The following ZFP69 variants were observed in gnomAD, a reference collection of about 807,000 sequenced individuals.
ZFP69 encodes ZFP69 zinc finger protein.
ZFP69 carries 35 observed loss-of-function variants against 48.9 expected under a neutral mutation model. The observed-to-expected ratio is 0.72, with a 90% confidence interval of 0.55 to 0.95. The LOEUF (loss-of-function observed/expected upper bound fraction) is 0.95. Among genes scored for constraint, ZFP69 ranks in the 40% least tolerant of loss-of-function variants. ZFP69 has a pLI of 0.00. For synonymous variants in ZFP69, 193 were observed against 216.8 expected, an observed-to-expected ratio of 0.89 and a Z score of 0.96; for missense variants, 557 against 638.4, an observed-to-expected ratio of 0.87 and a Z score of 1.37.
At chr1:40,494,619 T>G (rs1645607889) in intron 5 of ZFP69, among the ~76,000 whole-genome samples, 1 of 147,016 alleles carries the variant, frequency 6.8e-6, no homozygotes, top group African/African-American at 2.5e-5. Flanking sequence ...AAATATTTTA[T>G]ATATAAAATA....
In ZFP69 at chr1:40,489,135, GT is replaced by G. The variant is rs1311061885; in HGVS notation, c.268del (p.Trp90GlyfsTer15). 1 of 1,614,066 alleles carries G rather than the reference GT, an allele frequency of 6.2e-7. No homozygotes were observed. The highest frequency in any genetic ancestry group is 1.7e-5 in the Admixed American group (1 of 60,018). Reference sequence around the variant, plus strand: ...TATCTATTGACTTCACCCAGGAAGAGTGGGGGCAGCTGGCTCCTGCTCACCA... The same window carrying G: ...TATCTATTGACTTCACCCAGGAAGAGGGGGGCAGCTGGCTCCTGCTCACCA... ...DISIDFTQEE[W>X]GQLAPAHQNL... On this transcript the variant is annotated frameshift_variant, in exon 4 of 6. Transcript: ENST00000372706. LOFTEE classifies it high-confidence loss of function.
chr1:40,495,890 G>T lies in ZFP69; in HGVS notation c.1412G>T (p.Arg471Leu). 5 of 1,614,134 alleles carry T rather than the reference G, an allele frequency of 3.1e-6. No individual in the cohort carries two copies. The highest frequency in any genetic ancestry group is 4.2e-6 in the Non-Finnish European group (5 of 1,180,034). The change falls in exon 6 of 6, where the codon CGC (arginine) becomes CTC (leucine). Residue 471 changes from arginine to leucine, a missense_variant. Coordinates refer to ENST00000372706, the MANE Select transcript of ZFP69 (RefSeq NM_001320179.2). Reference sequence around the variant, plus strand: ...GGAGTGAAAGCATATGAATGCAACCGCTGTGGAAAAGCCTATAGGCATGAT... The same window carrying T: ...GGAGTGAAAGCATATGAATGCAACCTCTGTGGAAAAGCCTATAGGCATGAT... ...HTGVKAYECN[R>L]CGKAYRHDSS...
At chr1:40,494,445 T>C (rs1378478641) in intron 5 of ZFP69, among the ~76,000 whole-genome samples, 1 of 145,780 alleles carries the variant, frequency 6.9e-6, no homozygotes, top group East Asian at 2.0e-4. Flanking sequence ...ATTTTTTGTA[T>C]TTTTAGTAGA....
At chr1:40,480,211 A>C (rs113613461) in intron 2 of ZFP69, among the ~76,000 whole-genome samples, 2,973 of 152,218 alleles carry the variant, frequency 0.02, 92 homozygotes, top group African/African-American at 0.068. Context: ...AATAGAAAGC[A>C]GCCTAAGAAA....
At chr1:40,483,679 T>C (rs973737566) in intron 3 of ZFP69, among the ~76,000 whole-genome samples, 3 of 152,244 alleles carry the variant, frequency 2.0e-5, no homozygotes, top group Admixed American at 6.5e-5. Context: ...CAGACTATTA[T>C]CGTTACTTCT....
chr1:40,483,343 C>T (rs551699283), intron 3 of ZFP69, among the ~76,000 whole-genome samples: 1 of 150,220 alleles, frequency 6.7e-6, no homozygotes, highest in South Asian at 2.1e-4. Context: ...AGTTCTCCTG[C>T]CTAAGCCTCC....
Position 40,489,225 on chromosome 1 carries a change from G to A in ZFP69, c.346+11G>A. ...ACTTGGTGTCAGTGGGTAAGACTTG[G>A]CTATCCATGCATCCAGAAACCCACC... On this transcript the variant is annotated intron_variant, in intron 4 of 5. Transcript: ENST00000372706. The A allele has an allele frequency of 6.2e-7, 1 of 1,613,198 alleles. No homozygotes were observed. The highest frequency in any genetic ancestry group is 8.5e-7 in the Non-Finnish European group (1 of 1,179,468).
At position 40,481,765 on chromosome 1, in the gene ZFP69, C is replaced by G; in HGVS notation, c.130C>G (p.Leu44Val). Reference protein sequence around the residue: ...DVTKMFEGEALLSQDAEDVKT... With the variant: ...DVTKMFEGEAVLSQDAEDVKT... Reference sequence around the variant, plus strand: ...TCATGGCTCTTTTCCTTCCCCAGCTCTGCTGTCTCAGGATGCTGAGGACGT... The same window carrying G: ...TCATGGCTCTTTTCCTTCCCCAGCTGTGCTGTCTCAGGATGCTGAGGACGT... Residue 44 changes from leucine (L) to valine (V), a missense_variant and splice_region_variant, in exon 3 of 6, where the codon CTG (leucine) becomes GTG (valine). Coordinates refer to ENST00000372706, the MANE Select transcript of ZFP69 (RefSeq NM_001320179.2). 1.2e-6 allele frequency: 2 copies of G among 1,608,612 alleles called. No individual in the cohort carries two copies. Among genetic ancestry groups the G allele is most frequent in the Admixed American group, 1.7e-5 (1 of 59,536 alleles).
At position 40,477,551 on chromosome 1, in the gene ZFP69, G is replaced by T. The variant is rs1039905332; in HGVS notation, c.-670G>T. On this transcript the variant is annotated 5_prime_UTR_variant, in exon 1 of 6. Coordinates refer to ENST00000372706, the MANE Select transcript of ZFP69 (RefSeq NM_001320179.2). The surrounding 1 kb of genome is among the most constrained non-coding windows in gnomAD (Gnocchi z 4.0). ...GGGGTCTGCAAGACGCCGGCTCAGG[G>T]CATCCCTCCCATTCCGGCCCTCAAA... The T allele has an allele frequency of 6.6e-6, 1 of 152,214 alleles. No individual in the cohort carries two copies. The highest frequency in any genetic ancestry group is 2.4e-5 in the African/African-American group (1 of 41,450). The allele number at this position is 152,214 out of a possible 1,614,324, so 9.4% of individuals were successfully genotyped here.
chr1:40,481,723 T>A (rs745366918), intron 2 of ZFP69, 40 bp from the exon 3 acceptor site: 8 of 1,515,922 alleles, frequency 5.3e-6, no homozygotes, highest in South Asian at 1.2e-5. Context: ...TTTGGGAGAT[T>A]TGGGGAGATG....
chr1:40,489,682 C>A, intron 5 of ZFP69, 58 bp downstream of exon 5: 1 of 1,274,918 alleles, frequency 7.8e-7, no homozygotes, highest in South Asian at 1.3e-5. Context: ...CCTGAAACTT[C>A]ATAATTTATA....
At chr1:40,485,234 C>T (rs1235798540) in intron 3 of ZFP69, among the ~76,000 whole-genome samples, 2 of 151,906 alleles carry the variant, frequency 1.3e-5, no homozygotes, top group East Asian at 3.9e-4. Context: ...CCACTAAAAA[C>T]AATCATATTA....
chr1:40,481,696 T>C, intron 2 of ZFP69, 67 bp from the exon 3 acceptor site: 1 of 1,321,014 alleles, frequency 7.6e-7, no homozygotes, highest in Non-Finnish European at 1.1e-6. Context: ...TGAGTGGGTC[T>C]GCAGGCAATT....
At chr1:40,482,916 T>C (rs1320068046) in intron 3 of ZFP69, among the ~76,000 whole-genome samples, 1 of 152,214 alleles carries the variant, frequency 6.6e-6, no homozygotes. Flanking sequence ...CAGTAATTGA[T>C]GTAACCAGTA....
chr1:40,491,199 G>A (rs1409344555), intron 5 of ZFP69: 1 of 152,120 alleles, frequency 6.6e-6, no homozygotes, highest in African/African-American at 2.4e-5. Context: ...ATATTCCTCA[G>A]TATGTTATTC....
intron 5 of ZFP69, chr1:40,491,041 CTTT>C (rs1282092131): frequency 3.9e-5 from 6 of 152,154 alleles, no homozygotes; most frequent in African/African-American, 1.4e-4. Flanking sequence ...TGTCTTCGTG[CTTT>C]TATTACATGT....
intron 1 of ZFP69, 33 bp from the exon 2 acceptor site, chr1:40,479,002 TG>T: frequency 8.2e-6 from 2 of 243,234 alleles, no homozygotes; most frequent in South Asian, 9.8e-5. Context: ...ATTTTTCTTT[TG>T]GGTATTTTGC....
chr1:40,477,805 C>G lies in ZFP69; in HGVS notation c.-416C>G, dbSNP rs765298422. The G allele has an allele frequency of 6.6e-6, 1 of 152,286 alleles. No individual in the cohort carries two copies. The highest frequency in any genetic ancestry group is 2.4e-5 in the African/African-American group (1 of 41,450). The allele number at this position is 152,286 out of a possible 1,614,324, so 9.4% of individuals were successfully genotyped here. On this transcript the variant is annotated 5_prime_UTR_variant, in exon 1 of 6. Transcript: ENST00000372706. The surrounding 1 kb of genome is among the most constrained non-coding windows in gnomAD (Gnocchi z 4.0). The stretch of plus-strand genomic sequence containing the variant: ...ATATCTGTTACCACTCAGTCCGTCT[C>G]TAAAGAGACACTCTTTACCGCTGAA...
At chr1:40,481,695 C>G in intron 2 of ZFP69, 68 bp from the exon 3 acceptor site, 1 of 1,307,196 alleles carries the variant, frequency 7.6e-7, no homozygotes, top group Non-Finnish European at 1.1e-6. Context: ...TTGAGTGGGT[C>G]TGCAGGCAAT....
Sources: gnomAD v4.1 joint callset for allele counts (sites outside exome capture counted in the v4.1 genomes callset) on GRCh38, gnomAD v4.1.1 for gene constraint, Gnocchi (gnomAD v3.1) non-coding constraint, MANE v1.5 for transcripts, NCBI Gene and HGNC (gene_info 2026-07-23, HGNC 2026-07-21) for gene names.